FHIT: variants seen among roughly 807,000 people sequenced by gnomAD.
The protein encoded by FHIT is bis(5'-adenosyl)-triphosphatase.
A neutral mutation model predicts 17.9 loss-of-function variants in FHIT; 19 were observed. The ratio of observed to expected loss-of-function variants is 1.06; its 90% CI spans 0.74 to 1.56. The LOEUF (loss-of-function observed/expected upper bound fraction) is 1.56, where lower values mean the gene tolerates loss of function less well. Among genes scored for constraint, FHIT ranks in the 40% most tolerant of loss-of-function variants. The pLI is 0.00. For synonymous variants in FHIT, 81 were observed against 69.7 expected, an observed-to-expected ratio of 1.16 and a Z score of -0.81; for missense variants, 248 against 189.2, an observed-to-expected ratio of 1.31 and a Z score of -1.82.
At chr3:60,418,229 CAA>C (rs1283709285) in intron 5 of FHIT, among the ~76,000 whole-genome samples, 2 of 151,442 alleles carry the variant, frequency 1.3e-5, no homozygotes, top group African/African-American at 4.9e-5. Context: ...AGTCAGAAAT[CAA>C]AAAGGCTTCA....
At chr3:60,996,795 T>C (rs1487000030) in intron 3 of FHIT, among the ~76,000 whole-genome samples, 2 of 152,342 alleles carry the variant, frequency 1.3e-5, no homozygotes, top group Non-Finnish European at 2.9e-5. Flanking sequence ...AAAGTTATCA[T>C]TTTCACACAC....
chr3:61,043,015 C>T (rs1412614281), intron 2 of FHIT, among the ~76,000 whole-genome samples: 1 of 152,108 alleles, frequency 6.6e-6, no homozygotes, highest in Non-Finnish European at 1.5e-5. Context: ...ATAGGAACAA[C>T]TCCTGTCTAC....
At chr3:60,413,162 T>C (rs1261690698) in intron 5 of FHIT, among the ~76,000 whole-genome samples, 5 of 152,210 alleles carry the variant, frequency 3.3e-5, no homozygotes, top group African/African-American at 9.6e-5. Flanking sequence ...GAACATTCTT[T>C]TAGCTACATA....
At chr3:59,914,235 C>G (rs892713763) in intron 8 of FHIT, among the ~76,000 whole-genome samples, 13 of 151,704 alleles carry the variant, frequency 8.6e-5, no homozygotes, top group South Asian at 4.2e-4. Flanking sequence ...GAAATCCAAA[C>G]TGGATTTTAC....
At chr3:61,151,576 T>TTTTCTTCTC (rs756202514) in intron 2 of FHIT, among the ~76,000 whole-genome samples, 1 of 113,130 alleles carries the variant, frequency 8.8e-6, no homozygotes. Context: ...TTTTCTTTTC[T>TTTTCTTCTC]TTTTTTTTTT....
chr3:61,078,234 T>G (rs557394011), intron 2 of FHIT, among the ~76,000 whole-genome samples: 2 of 152,240 alleles, frequency 1.3e-5, no homozygotes, highest in South Asian at 4.1e-4. Context: ...CCTAACAACT[T>G]GATATATGTG....
At chr3:59,877,462 C>G (rs114172171) in intron 8 of FHIT, among the ~76,000 whole-genome samples, 1 of 152,160 alleles carries the variant, frequency 6.6e-6, no homozygotes, top group Non-Finnish European at 1.5e-5. Flanking sequence ...CAAGAGATAA[C>G]AAGCAGGAAG....
At chr3:61,154,720 C>T (rs1287272592) in intron 2 of FHIT, among the ~76,000 whole-genome samples, 2 of 152,158 alleles carry the variant, frequency 1.3e-5, no homozygotes, top group Non-Finnish European at 2.9e-5. Context: ...AAAATAATTA[C>T]ATTAATGCTG....
chr3:60,982,376 C>G (rs1219395663), intron 3 of FHIT, among the ~76,000 whole-genome samples: 1 of 152,234 alleles, frequency 6.6e-6, no homozygotes, highest in East Asian at 1.9e-4. Context: ...AGCTTCCCTG[C>G]ACTTCAGTTC....
intron 3 of FHIT, among the ~76,000 whole-genome samples, chr3:60,972,963 C>T (rs1442406525): frequency 6.6e-6 from 1 of 152,074 alleles, no homozygotes; most frequent in African/African-American, 2.4e-5. Flanking sequence ...TCTTCTTGAA[C>T]ATATTAATCT....
chr3:60,615,170 T>C (rs889766701), intron 4 of FHIT, among the ~76,000 whole-genome samples: 1 of 152,156 alleles, frequency 6.6e-6, no homozygotes, highest in Admixed American at 6.6e-5. Flanking sequence ...GGAGCAACTA[T>C]TGGCATTTCC....
At chr3:60,543,339 C>T (rs868127390) in intron 4 of FHIT, among the ~76,000 whole-genome samples, 1 of 151,956 alleles carries the variant, frequency 6.6e-6, no homozygotes, top group East Asian at 1.9e-4. Flanking sequence ...ATTTATTATC[C>T]CATATAAATT....
At chr3:60,514,323 G>A (rs2035064384) in intron 5 of FHIT, among the ~76,000 whole-genome samples, 1 of 152,232 alleles carries the variant, frequency 6.6e-6, no homozygotes, top group African/African-American at 2.4e-5. Flanking sequence ...TGCTTCTGCT[G>A]GAGAGAAGCA....
At chr3:60,884,812 G>A (rs1187761126) in intron 3 of FHIT, among the ~76,000 whole-genome samples, 1 of 151,094 alleles carries the variant, frequency 6.6e-6, no homozygotes, top group African/African-American at 2.4e-5. Flanking sequence ...GACCAAAGTG[G>A]GAAGATCGCT....
intron 5 of FHIT, among the ~76,000 whole-genome samples, chr3:60,176,265 T>C (rs900972315): frequency 6.6e-6 from 1 of 152,024 alleles, no homozygotes; most frequent in Non-Finnish European, 1.5e-5. Context: ...GGCAGGAGAA[T>C]TGCTTGAACC....
chr3:61,180,137 T>C (rs1254134757), intron 2 of FHIT, among the ~76,000 whole-genome samples: 1 of 152,172 alleles, frequency 6.6e-6, no homozygotes, highest in African/African-American at 2.4e-5. Context: ...TAGCGTGCCT[T>C]TCCCTCACGG....
chr3:60,631,354 T>A (rs1173569377), intron 4 of FHIT, among the ~76,000 whole-genome samples: 1 of 151,976 alleles, frequency 6.6e-6, no homozygotes, highest in Admixed American at 6.6e-5. Context: ...AAAGGGAAAA[T>A]TTTCCAGAGA....
chr3:59,898,460 G>A (rs1460148066), intron 8 of FHIT, among the ~76,000 whole-genome samples: 2 of 151,950 alleles, frequency 1.3e-5, no homozygotes, highest in Non-Finnish European at 2.9e-5. Flanking sequence ...GTGTGTGTGT[G>A]TGTGTGTGTG....
intron 5 of FHIT, among the ~76,000 whole-genome samples, chr3:60,446,005 T>G (rs768766381): frequency 3.3e-5 from 5 of 152,020 alleles, no homozygotes; most frequent in Non-Finnish European, 7.4e-5. Context: ...CTAGAAAAAA[T>G]AGACCTGCTT....
Sources: gnomAD v4.1 joint callset for allele counts (sites outside exome capture counted in the v4.1 genomes callset) on GRCh38, gnomAD v4.1.1 for gene constraint, MANE v1.5 for transcripts, NCBI Gene and HGNC (gene_info 2026-07-23, HGNC 2026-07-21) for gene names.